Variants in EML2 observed in about 807,000 individuals in gnomAD.
EML2 encodes the protein EMAP like 2.
EML2 carries 59 observed loss-of-function variants against 84.7 expected under a neutral mutation model. The observed-to-expected ratio is 0.70, with a 90% CI of 0.56 to 0.86. The LOEUF is 0.86. Among genes scored for constraint, EML2 ranks in the 40% least tolerant of loss-of-function variants. The probability of loss-of-function intolerance (pLI) is 0.00; values close to 1 mark genes in which losing one functional copy is unlikely to be tolerated. For missense variants in EML2, 818 were observed against 855.6 expected (o/e 0.96, Z 0.55); for synonymous variants, 352 against 348.9 (o/e 1.01, Z -0.10).
chr19:45,626,566 C>T, intron 8 of EML2, 139 bp downstream of exon 8: 2 of 970,810 alleles, frequency 2.1e-6, no homozygotes, highest in Admixed American at 2.3e-5. Flanking sequence ...GAGAAAGAAA[C>T]TGAGGCCCCA....
chr19:45,612,824 C>T (rs1275781819), intron 18 of EML2, among the ~76,000 whole-genome samples: 1 of 152,010 alleles, frequency 6.6e-6, no homozygotes, highest in Non-Finnish European at 1.5e-5. Flanking sequence ...TGAAAATTTC[C>T]TAGGAAAATG....
chr19:45,609,863 A>T, intron 18 of EML2, 75 bp from the exon 19 acceptor site: 2 of 1,504,104 alleles, frequency 1.3e-6, no homozygotes, highest in East Asian at 2.4e-5. Flanking sequence ...TCTTGTCTTG[A>T]CCCGGTTCTT....
At chr19:45,615,115 T>A (rs1355897895) in intron 16 of EML2, 1 of 182,266 alleles carries the variant, frequency 5.5e-6, no homozygotes, top group Non-Finnish European at 1.2e-5. Flanking sequence ...GGCAGGCGGA[T>A]CACCTGAGGT....
At chr19:45,645,398 C>T, upstream of EML2, 2 of 1,492,880 alleles carry the variant, frequency 1.3e-6, no homozygotes, top group Admixed American at 2.3e-5. Flanking sequence ...GTCCCCCCAA[C>T]CAGGCCCTGC....
In EML2 at chr19:45,638,838, C is replaced by A. The variant is rs1189343225; in HGVS notation, c.49+7G>T. 6.2e-7 allele frequency: 1 copy of A among 1,613,802 alleles called. No individual in the cohort carries two copies. Among genetic ancestry groups the A allele is most frequent in the Non-Finnish European group, 8.5e-7 (1 of 1,179,980 alleles). On this transcript the variant is annotated splice_region_variant and intron_variant, in intron 2 of 18. Coordinates refer to ENST00000245925, the MANE Select transcript of EML2 (RefSeq NM_012155.4). ...TCCACCGAGCCCTTCCCCATCTCCC[C>A]ACTCACCCACACTGAAGATAACTTC...
intron 18 of EML2, among the ~76,000 whole-genome samples, chr19:45,612,884 C>A (rs2122594715): frequency 7.6e-6 from 1 of 131,116 alleles, no homozygotes; most frequent in Non-Finnish European, 1.6e-5. Flanking sequence ...AAATTAACGT[C>A]CAGCTTTTTT....
intron 3 of EML2, among the ~76,000 whole-genome samples, chr19:45,635,414 G>C (rs922440190): frequency 1.0e-3 from 154 of 150,632 alleles, no homozygotes; most frequent in African/African-American, 3.4e-3. Context: ...GCTGGGATTA[G>C]AGGTTTGAGC....
At chr19:45,644,091 A>G (rs774955232), upstream of EML2, among the ~76,000 whole-genome samples, 8 of 152,216 alleles carry the variant, frequency 5.3e-5, no homozygotes, top group Non-Finnish European at 1.2e-4. Context: ...GGCATCTGTT[A>G]CTGTGAGCTT....
chr19:45,616,413 C>A, intron 15 of EML2, 48 bp downstream of exon 15: 4 of 1,442,072 alleles, frequency 2.8e-6, no homozygotes, highest in South Asian at 1.2e-5. Flanking sequence ...TAATTTTGCA[C>A]CCCCTGGGCG....
At position 45,632,881 on chromosome 19, in the gene EML2, A is replaced by T. The variant is rs200070315; in HGVS notation, c.490T>A (p.Cys164Ser). ...GLGVFDRAVC[C>S]VGFSKSNGGN... The stretch of plus-strand genomic sequence containing the variant: ...CTTACAGATTTGGAGAAGCCCACAC[A>T]GCACACGGCTCTGTCAAACACCCCC... The change falls in exon 6 of 19, where the codon TGT (cysteine) becomes AGT (serine). Residue 164 changes from cysteine to serine, a missense_variant. By Grantham distance (112) the Cys-to-Ser change is moderately radical. Coordinates refer to ENST00000245925, the MANE Select transcript of EML2 (RefSeq NM_012155.4). 6.2e-7 allele frequency: 1 copy of T among 1,613,970 alleles called. No individual in the cohort carries two copies. Among genetic ancestry groups the T allele is most frequent in the Non-Finnish European group, 8.5e-7 (1 of 1,180,016 alleles).
upstream of EML2, chr19:45,640,602 A>C (rs1335698568): frequency 6.6e-6 from 1 of 152,074 alleles, no homozygotes; most frequent in Non-Finnish European, 1.5e-5. Context: ...TATTATTAAT[A>C]GACAGGGGGT....
intron 7 of EML2, among the ~76,000 whole-genome samples, chr19:45,627,443 T>G (rs1449294559): frequency 1.3e-5 from 2 of 150,088 alleles, no homozygotes; most frequent in East Asian, 2.0e-4. Flanking sequence ...TTAGTAGAGA[T>G]AGGGTTTCAC....
At chr19:45,642,646 C>G (rs1974662614), upstream of EML2, 6 of 702,742 alleles carry the variant, frequency 8.5e-6, no homozygotes, top group Admixed American at 4.7e-5. Context: ...CCAGGAGCCT[C>G]TCGCTCTGGC....
In EML2 at chr19:45,616,551, C is replaced by T. The variant is rs1402509312; in HGVS notation, c.1419G>A (p.Ala473=). The T allele has an allele frequency of 2.5e-6, 4 of 1,610,098 alleles. No homozygotes were observed. Among genetic ancestry groups the T allele is most frequent in the African/African-American group, 2.7e-5 (2 of 74,830 alleles). Residue 473 remains alanine, a synonymous_variant, in exon 15 of 19, where the codon GCG becomes GCA. Transcript: ENST00000245925. ...TGTCGTGGGAGCCCACGGCCAGGTA[C>T]GCCCCGTCTGGGGGAGGGGGAGGGG... The part of the protein sequence containing the change: ...ISVVSFSPDG[A]YLAVGSHDNL...
At chr19:45,617,587 A>C in intron 13 of EML2, 43 bp downstream of exon 13, 1 of 1,564,824 alleles carries the variant, frequency 6.4e-7, no homozygotes, top group Non-Finnish European at 8.8e-7. Context: ...CCAGTTCCCC[A>C]GGGAGCAGAG....
Position 45,609,795 on chromosome 19 carries a change from C to G in EML2, c.1825-7G>C. ...CGTACTTGTGGCTGAGGGCCTGTTACAAGGAAAGAAGTAAGTGAAGAAATG... is the reference window on the plus strand; with the variant it reads ...CGTACTTGTGGCTGAGGGCCTGTTAGAAGGAAAGAAGTAAGTGAAGAAATG... On this transcript the variant is annotated splice_region_variant and splice_polypyrimidine_tract_variant and intron_variant, in intron 18 of 18. Coordinates refer to ENST00000245925, the MANE Select transcript of EML2 (RefSeq NM_012155.4). The G allele has an allele frequency of 6.2e-7, 1 of 1,611,152 alleles. No individual in the cohort carries two copies. The highest frequency in any genetic ancestry group is 8.5e-7 in the Non-Finnish European group (1 of 1,178,768).
At chr19:45,626,672 G>C (rs532109470) in intron 8 of EML2, 33 bp downstream of exon 8, 1 of 1,591,364 alleles carries the variant, frequency 6.3e-7, no homozygotes, top group South Asian at 1.1e-5. Context: ...CCTCTCTCAG[G>C]GCCAGCCTGT....
At chr19:45,639,832 A>G (rs1974247295), upstream of EML2, among the ~76,000 whole-genome samples, 1 of 152,018 alleles carries the variant, frequency 6.6e-6, no homozygotes, top group African/African-American at 2.4e-5. Flanking sequence ...CGTCTCTACT[A>G]AAAATACAAA....
At position 45,634,424 on chromosome 19, in the gene EML2, G is replaced by A. The variant is rs1973465019; in HGVS notation, c.227C>T (p.Pro76Leu). 2 of 1,614,008 alleles carry A rather than the reference G, an allele frequency of 1.2e-6. No homozygotes were observed. The highest frequency in any genetic ancestry group is 3.3e-5 in the Admixed American group (2 of 59,982). Residue 76 changes from proline (P) to leucine (L), a missense_variant, in exon 4 of 19, where the codon CCC becomes CTC. Transcript: ENST00000245925. Reference sequence around the variant, plus strand: ...CACAAAGTACACTATCTCCCCGGTGGGCAGCAAATAAAGGTTGGCCCGGCA... The same window carrying A: ...CACAAAGTACACTATCTCCCCGGTGAGCAGCAAATAAAGGTTGGCCCGGCA... ...RDCRANLYLL[P>L]TGEIVYFVAS...
Sources: allele counts gnomAD v4.1 joint callset (sites outside exome capture counted in the v4.1 genomes callset), GRCh38; gene constraint gnomAD v4.1.1; transcripts MANE v1.5; gene names NCBI Gene and HGNC (gene_info 2026-07-23, HGNC 2026-07-21).